TTC39C: variants seen among roughly 807,000 people sequenced by gnomAD.
TTC39C encodes tetratricopeptide repeat protein 39C.
A neutral mutation model predicts 76.3 loss-of-function variants in TTC39C; 33 were observed. The ratio of observed to expected loss-of-function variants is 0.43; its 90% CI spans 0.33 to 0.58. The LOEUF (loss-of-function observed/expected upper bound fraction) is 0.58. TTC39C is among the 20% of genes least tolerant of loss of function. The pLI, the probability that TTC39C is intolerant of heterozygous loss-of-function variation, is 0.04. For synonymous variants in TTC39C, 254 were observed against 260.6 expected, an observed-to-expected ratio of 0.97 and a Z score of 0.24; for missense variants, 595 against 701.4, an observed-to-expected ratio of 0.85 and a Z score of 1.71.
At chr18:24,106,833 T>C (rs1488462521) in intron 6 of TTC39C, among the ~76,000 whole-genome samples, 2 of 152,176 alleles carry the variant, frequency 1.3e-5, no homozygotes, top group African/African-American at 4.8e-5. Context: ...TACAGGTGCA[T>C]GCCACCATGC....
chr18:24,053,540 C>A (rs918943580), intron 1 of TTC39C, among the ~76,000 whole-genome samples: 3 of 152,240 alleles, frequency 2.0e-5, no homozygotes, highest in African/African-American at 7.2e-5. Context: ...AAGTTGCTCC[C>A]ATAATAGTTT....
chr18:24,092,092 C>CAAAAAAAAAAAAAAAAA (rs74171390), intron 6 of TTC39C, among the ~76,000 whole-genome samples: 1 of 67,594 alleles, frequency 1.5e-5, no homozygotes, highest in Non-Finnish European at 2.6e-5. Context: ...GACTCAGTCT[C>CAAAAAAAAAAAAAAAAA]AAAAAAAAAA....
chr18:24,092,271 C>A (rs1039940039), intron 6 of TTC39C, among the ~76,000 whole-genome samples: 2 of 152,004 alleles, frequency 1.3e-5, no homozygotes, highest in African/African-American at 4.8e-5. Context: ...CAGCCAATAG[C>A]AAGTGTGGGC....
intron 1 of TTC39C, chr18:24,015,313 G>A (rs1332264523): frequency 1.2e-5 from 4 of 321,848 alleles, no homozygotes; most frequent in Non-Finnish European, 2.3e-5. Context: ...CTTTCTCCCA[G>A]CCTCGCCCTC....
At chr18:24,069,921 A>G (rs2084216958) in intron 4 of TTC39C, among the ~76,000 whole-genome samples, 1 of 152,230 alleles carries the variant, frequency 6.6e-6, no homozygotes, top group Admixed American at 6.5e-5. Flanking sequence ...TCTGATATTG[A>G]CAGCAGAAAC....
rs777266157 is a variant in TTC39C, at chr18:24,125,481, A to G, written c.1351A>G (p.Ile451Val). The G allele has an allele frequency of 6.2e-6, 10 of 1,614,062 alleles. No individual in the cohort carries two copies. Among genetic ancestry groups the G allele is most frequent in the South Asian group, 1.1e-5 (1 of 91,080 alleles). Residue 451 changes from isoleucine (I) to valine (V), a missense_variant, in exon 10 of 14, where the codon ATT becomes GTT. Transcript: ENST00000317571. ...PTKALCVLAS[I>V]EVLYLWKALP... ...CAAAGCGCTCTGTGTGTTGGCGTCT[A>G]TTGAAGTGTTGTACTTGTGGAAAGC...
chr18:24,058,720 C>T (rs1218571312), intron 1 of TTC39C, among the ~76,000 whole-genome samples: 2 of 151,944 alleles, frequency 1.3e-5, no homozygotes, highest in Admixed American at 6.6e-5. Context: ...AGTAGGCATA[C>T]GTTTAGATTT....
At chr18:24,070,592 C>A (rs1027550619) in intron 4 of TTC39C, among the ~76,000 whole-genome samples, 24 of 152,174 alleles carry the variant, frequency 1.6e-4, no homozygotes, top group Non-Finnish European at 3.2e-4. Flanking sequence ...CACTTGTAAT[C>A]CCAGCACATT....
intron 8 of TTC39C, 191 bp from the exon 9 acceptor site, chr18:24,123,643 G>T: frequency 2.3e-6 from 1 of 443,982 alleles, no homozygotes; most frequent in East Asian, 3.9e-5. Context: ...CTGACCTCAG[G>T]TGATCCACTC....
chr18:24,116,203 T>A (rs1265770040), intron 7 of TTC39C, among the ~76,000 whole-genome samples: 1 of 152,228 alleles, frequency 6.6e-6, no homozygotes, highest in African/African-American at 2.4e-5. Context: ...CATCTCTATT[T>A]TGTATTTAAT....
At chr18:24,087,520 C>A (rs553139171) in intron 6 of TTC39C, among the ~76,000 whole-genome samples, 1 of 151,360 alleles carries the variant, frequency 6.6e-6, no homozygotes, top group Non-Finnish European at 1.5e-5. Flanking sequence ...AAATGAAAGT[C>A]GTTTTCTATA....
chr18:24,055,675 T>C (rs1004102118), intron 1 of TTC39C, among the ~76,000 whole-genome samples: 4 of 152,180 alleles, frequency 2.6e-5, no homozygotes, highest in African/African-American at 9.6e-5. Flanking sequence ...TTTTCTCCAG[T>C]TCCATAGGTT....
intron 12 of TTC39C, 51 bp from the exon 13 acceptor site, chr18:24,131,831 C>A: frequency 6.5e-7 from 1 of 1,534,040 alleles, no homozygotes; most frequent in Non-Finnish European, 8.9e-7. Flanking sequence ...CCATTTTCTG[C>A]CTGCGTATAT....
chr18:24,115,139 A>G (rs2084874533), intron 7 of TTC39C: 1 of 153,090 alleles, frequency 6.5e-6, no homozygotes, highest in Non-Finnish European at 1.5e-5. Context: ...TGACGTGTGA[A>G]ACCTCATGCA....
At chr18:24,122,857 A>G (rs920071754) in intron 8 of TTC39C, among the ~76,000 whole-genome samples, 1 of 152,180 alleles carries the variant, frequency 6.6e-6, no homozygotes, top group Non-Finnish European at 1.5e-5. Flanking sequence ...CCAGAGAGAA[A>G]TGATCCCTTC....
intron 8 of TTC39C, among the ~76,000 whole-genome samples, chr18:24,122,663 A>C (rs1448980979): frequency 6.6e-6 from 1 of 152,098 alleles, no homozygotes; most frequent in African/African-American, 2.4e-5. Context: ...AGTTTCAAGC[A>C]GTAGTGGGGC....
intron 1 of TTC39C, among the ~76,000 whole-genome samples, chr18:23,999,150 T>G (rs554911857): frequency 1.3e-5 from 2 of 152,328 alleles, no homozygotes; most frequent in Admixed American, 6.5e-5. Flanking sequence ...CATATGGGTG[T>G]GATGAAATGG....
chr18:24,037,092 G>A (rs985901347), intron 1 of TTC39C, among the ~76,000 whole-genome samples: 6 of 152,122 alleles, frequency 3.9e-5, no homozygotes, highest in Non-Finnish European at 7.4e-5. Flanking sequence ...AAAAGTGGGC[G>A]TTTTTGTCTT....
chr18:24,081,319 C>T (rs1157241769), intron 5 of TTC39C, among the ~76,000 whole-genome samples: 2 of 152,228 alleles, frequency 1.3e-5, no homozygotes, highest in South Asian at 4.1e-4. Context: ...ATAAAGAATT[C>T]TCACATTGGG....
Sources: allele counts gnomAD v4.1 joint callset (sites outside exome capture counted in the v4.1 genomes callset), GRCh38; gene constraint gnomAD v4.1.1; transcripts MANE v1.5; gene names NCBI Gene and HGNC (gene_info 2026-07-23, HGNC 2026-07-21).